Variants in CTNNA3 observed in about 807,000 individuals in gnomAD.
The protein encoded by CTNNA3 is catenin alpha-3.
Under a neutral mutation model 95.7 loss-of-function variants are expected in CTNNA3, and 76 were observed. The ratio of observed to expected loss-of-function variants is 0.79; its 90% CI spans 0.66 to 0.96. The LOEUF is 0.96. Among genes scored for constraint, CTNNA3 ranks in the 40% least tolerant of loss-of-function variants. CTNNA3 has a pLI of 0.00. For missense variants in CTNNA3, 1,191 were observed against 1,089.8 expected, an observed-to-expected ratio of 1.09 and a Z score of -1.31; for synonymous variants, 431 against 374.4, an observed-to-expected ratio of 1.15 and a Z score of -1.74.
chr10:67,672,781 A>G (rs1457971295), intron 1 of CTNNA3, among the ~76,000 whole-genome samples: 1 of 152,152 alleles, frequency 6.6e-6, no homozygotes, highest in African/African-American at 2.4e-5. Flanking sequence ...TATAGTTTGA[A>G]GTCAGGTAGT....
At chr10:66,494,925 T>C (rs1443149982) in intron 11 of CTNNA3, among the ~76,000 whole-genome samples, 1 of 152,154 alleles carries the variant, frequency 6.6e-6, no homozygotes, top group African/African-American at 2.4e-5. Flanking sequence ...AAATAGTTGG[T>C]GAGAGAGCAC....
intron 7 of CTNNA3, among the ~76,000 whole-genome samples, chr10:67,088,956 G>A (rs918375240): frequency 2.6e-5 from 4 of 151,910 alleles, no homozygotes; most frequent in African/African-American, 7.2e-5. Context: ...AAATTAATAC[G>A]AATAGAACAA....
At chr10:67,521,099 AG>A (rs1839970067) in intron 5 of CTNNA3, among the ~76,000 whole-genome samples, 1 of 152,188 alleles carries the variant, frequency 6.6e-6, no homozygotes, top group South Asian at 2.1e-4. Context: ...CTTTGGTGGA[AG>A]TAAAAGCTTG....
chr10:66,094,228 T>C (rs890696927), intron 14 of CTNNA3, among the ~76,000 whole-genome samples: 7 of 151,982 alleles, frequency 4.6e-5, no homozygotes, highest in Admixed American at 3.9e-4. Flanking sequence ...GTGAGCCTGA[T>C]GGTTGTAAGA....
At chr10:67,344,127 G>GAT (rs1348087209) in intron 5 of CTNNA3, among the ~76,000 whole-genome samples, 1 of 151,722 alleles carries the variant, frequency 6.6e-6, no homozygotes, top group Non-Finnish European at 1.5e-5. Context: ...CTGTTGATAT[G>GAT]ATATATCACA....
rs61603392 is a variant in CTNNA3, at chr10:67,143,425, T to TAAAAAAAAA, written c.1047+36883_1047+36891dup. ...TGGGTGACTGAGCAAGGCTCTGTCT[T>TAAAAAAAAA]AAAAAAAAAAAAAAAAAAAAAATTA... On this transcript the variant is annotated intron_variant, in intron 7 of 17. Coordinates refer to ENST00000433211, the MANE Select transcript of CTNNA3 (RefSeq NM_013266.4). Among the ~76,000 whole-genome samples the TAAAAAAAAA allele has an allele frequency of 1.4e-3, 106 of 75,980 alleles. 8 individuals carry two copies. The highest frequency in any genetic ancestry group is 8.2e-3 in the South Asian group (16 of 1,948). The allele number at this position is 75,980 out of a possible 152,430, so 49.8% of individuals were successfully genotyped here. A position where few individuals can be genotyped will look rare whatever the true frequency, so the allele number is the denominator to read the frequency against.
At chr10:67,339,247 C>CT (rs1270188300) in intron 5 of CTNNA3, among the ~76,000 whole-genome samples, 3 of 151,884 alleles carry the variant, frequency 2.0e-5, no homozygotes, top group Admixed American at 2.0e-4. Context: ...TTTTTATTGT[C>CT]TTTTTTTTCC....
chr10:67,273,541 A>C (rs1174612207), intron 5 of CTNNA3, among the ~76,000 whole-genome samples: 1 of 151,928 alleles, frequency 6.6e-6, no homozygotes, highest in East Asian at 1.9e-4. Flanking sequence ...AAAACTGAAA[A>C]TATGTCTATC....
intron 6 of CTNNA3, among the ~76,000 whole-genome samples, chr10:67,219,088 G>A (rs117815216): frequency 0.033 from 4,974 of 152,192 alleles, 122 homozygotes; most frequent in Non-Finnish European, 0.056. Context: ...TCAAGCCTTT[G>A]CTCTAGATCT....
chr10:67,137,479 T>C (rs572375538), intron 7 of CTNNA3, among the ~76,000 whole-genome samples: 3 of 152,320 alleles, frequency 2.0e-5, no homozygotes, highest in Non-Finnish European at 4.4e-5. Flanking sequence ...CAATTTCATA[T>C]CAGAGGCACA....
intron 13 of CTNNA3, among the ~76,000 whole-genome samples, chr10:66,124,312 T>C (rs2082719798): frequency 6.6e-6 from 1 of 152,184 alleles, no homozygotes. Flanking sequence ...AGAGTCACCT[T>C]TGCTCCAGTT....
intron 3 of CTNNA3, among the ~76,000 whole-genome samples, chr10:67,590,015 T>C (rs1411657943): frequency 1.3e-5 from 2 of 152,148 alleles, no homozygotes; most frequent in Middle Eastern, 3.2e-3. Context: ...GCTACCATAA[T>C]AATAGATCAT....
At chr10:65,945,029 T>C (rs2077494491) in intron 17 of CTNNA3, among the ~76,000 whole-genome samples, 1 of 152,158 alleles carries the variant, frequency 6.6e-6, no homozygotes, top group African/African-American at 2.4e-5. Flanking sequence ...GCTATTCTAA[T>C]ATTATTATAT....
chr10:67,430,790 T>C (rs2132895496), intron 5 of CTNNA3, among the ~76,000 whole-genome samples: 1 of 146,952 alleles, frequency 6.8e-6, no homozygotes, highest in South Asian at 2.2e-4. Flanking sequence ...ATGGTCCTCT[T>C]TTAATGAATG....
chr10:65,941,066 A>T (rs957882140), intron 17 of CTNNA3, among the ~76,000 whole-genome samples: 1 of 152,232 alleles, frequency 6.6e-6, no homozygotes, highest in African/African-American at 2.4e-5. Flanking sequence ...ATCTTGTCAA[A>T]CCTTGCAAGC....
At position 66,093,453 on chromosome 10, in the gene CTNNA3, C is replaced by T. The variant is rs909442118; in HGVS notation, c.1977+9704G>A. On this transcript the variant is annotated intron_variant, in intron 14 of 17. Coordinates refer to ENST00000433211, the MANE Select transcript of CTNNA3 (RefSeq NM_013266.4). ...TTATGAGAATAAAGGGAGTTGGGCT[C>T]ATCTAGAAGAACTTTTGAAAGGAAG... is the stretch of plus-strand genomic sequence containing the variant. Among the ~76,000 whole-genome samples the T allele has an allele frequency of 2.6e-5, 4 of 151,922 alleles. No homozygotes were observed. In the South Asian group the frequency reaches 8.3e-4, roughly 32 times the overall value.
At chr10:66,846,242 G>A (rs952523214) in intron 7 of CTNNA3, among the ~76,000 whole-genome samples, 6 of 152,172 alleles carry the variant, frequency 3.9e-5, no homozygotes, top group African/African-American at 4.8e-5. Context: ...TCACTTATAC[G>A]TAAAATCTAA....
intron 9 of CTNNA3, among the ~76,000 whole-genome samples, chr10:66,749,271 C>A (rs1253029259): frequency 6.9e-6 from 1 of 144,246 alleles, no homozygotes; most frequent in Non-Finnish European, 1.5e-5. Context: ...TGGTGTTGTA[C>A]ATTGCATGCG....
At position 67,720,129 on chromosome 10, in the gene CTNNA3, C is replaced by CTTTTTTT. The variant is rs58074397; in HGVS notation, c.-2+43298_-2+43304dup. ...TCAGAGACTAGGATTGCAACCCCTG[C>CTTTTTTT]TTTTTTTTTTTTTTTTTTTTTTTGC... On this transcript the variant is annotated intron_variant, in intron 1 of 17. Transcript: ENST00000684154. 2.9e-3 allele frequency among the ~76,000 whole-genome samples: 19 copies of CTTTTTTT among 6,612 alleles called. 7 individuals carry two copies. The highest frequency in any genetic ancestry group is 0.013 in the South Asian group (2 of 160). 4.3% of individuals were successfully genotyped at this position (6,612 alleles called of 152,430 possible). A position where few individuals can be genotyped will look rare whatever the true frequency, so the allele number is the denominator to read the frequency against.
Sources: allele counts gnomAD v4.1 joint callset (sites outside exome capture counted in the v4.1 genomes callset), GRCh38; gene constraint gnomAD v4.1.1; transcripts MANE v1.5; gene names NCBI Gene and HGNC (gene_info 2026-07-23, HGNC 2026-07-21).